The following ANKRD1 variants were observed in gnomAD, a reference collection of about 807,000 sequenced individuals.
ANKRD1 encodes ankyrin repeat domain-containing protein 1.
A neutral mutation model predicts 40.1 loss-of-function variants in ANKRD1; 32 were observed. The observed-to-expected ratio is 0.80, with a 90% confidence interval of 0.60 to 1.07. The LOEUF is 1.07. Ranked by LOEUF, ANKRD1 falls within the 50% of genes least tolerant of loss-of-function variation. The probability of loss-of-function intolerance (pLI) is 0.00; values close to 1 mark genes in which losing one functional copy is unlikely to be tolerated. For synonymous variants in ANKRD1, 149 were observed against 141.2 expected, an observed-to-expected ratio of 1.06 and a Z score of -0.39; for missense variants, 359 against 386.0, an observed-to-expected ratio of 0.93 and a Z score of 0.59.
Position 90,919,153 on chromosome 10 carries a change from T to A in ANKRD1, c.323A>T (p.Lys108Met). 6.2e-7 allele frequency: 1 copy of A among 1,613,526 alleles called. No individual in the cohort carries two copies. ...TACAATGATTTCAGGTTCTGGTTCC[T>A]TTACAACTGGAACTTTAGTTTTCCT... ...KYRKTKVPVV[K>M]EPEPEIITEP... is the part of the protein sequence containing the mutation. Residue 108 changes from lysine (K) to methionine (M), a missense_variant, in exon 3 of 9, where the codon AAG (lysine) becomes ATG (methionine). Coordinates refer to ENST00000371697, the MANE Select transcript of ANKRD1 (RefSeq NM_014391.3).
Position 90,921,022 on chromosome 10 carries a change from C to G in ANKRD1, c.6G>C (p.Met2Ile). Reference sequence around the variant, plus strand: ...ATACCAGTTCCTCTACTTTCAGTACCATCATGTTGGCTGAAGGAGTCTTGT... The same window carrying G: ...ATACCAGTTCCTCTACTTTCAGTACGATCATGTTGGCTGAAGGAGTCTTGT... MMVLKVEELVTG... is the reference protein window; with the variant it reads MIVLKVEELVTG... Residue 2 changes from methionine (M) to isoleucine (I), a missense_variant, in exon 1 of 9, where the codon ATG (methionine) becomes ATC (isoleucine). Physicochemically the swap from Met to Ile is conservative, Grantham distance 10. Coordinates refer to ENST00000371697, the MANE Select transcript of ANKRD1 (RefSeq NM_014391.3). The G allele has an allele frequency of 6.2e-7, 1 of 1,613,956 alleles. No individual in the cohort carries two copies. Among genetic ancestry groups the G allele is most frequent in the South Asian group, 1.1e-5 (1 of 91,082 alleles).
chr10:90,917,588 T>G (rs1234439365), intron 5 of ANKRD1, 144 bp downstream of exon 5: 7 of 691,452 alleles, frequency 1.0e-5, no homozygotes, highest in African/African-American at 1.8e-5. Flanking sequence ...CTCCCAACTT[T>G]CCTTTATTTG....
At chr10:90,914,489 T>TGCA in intron 8 of ANKRD1, among the ~76,000 whole-genome samples, 1 of 152,296 alleles carries the variant, frequency 6.6e-6, no homozygotes, top group Middle Eastern at 3.4e-3. Flanking sequence ...TCATTTAACC[T>TGCA]GCTCTTTTTC....
At chr10:90,914,716 T>TCCCC (rs1488711813) in intron 8 of ANKRD1, among the ~76,000 whole-genome samples, 5 of 41,440 alleles carry the variant, frequency 1.2e-4, no homozygotes, top group Non-Finnish European at 1.8e-4. Context: ...TGACTGAGTT[T>TCCCC]CCCTCCCCCC....
chr10:90,920,947 TAAAA>T, intron 1 of ANKRD1, 50 bp downstream of exon 1: 1 of 1,569,794 alleles, frequency 6.4e-7, no homozygotes, highest in South Asian at 1.1e-5. Context: ...AATTTTCAAA[TAAAA>T]ACCAAGATGA....
Position 90,912,933 on chromosome 10 carries a change from C to A in ANKRD1, c.893G>T (p.Gly298Val). 6.2e-7 allele frequency: 1 copy of A among 1,614,038 alleles called. No individual in the cohort carries two copies. The highest frequency in any genetic ancestry group is 1.3e-5 in the African/African-American group (1 of 75,032). The change falls in exon 9 of 9, where the codon GGA becomes GTA. Residue 298 changes from glycine (G) to valine (V), a missense_variant. Physicochemically the swap from Gly to Val is moderately radical, Grantham distance 109 (BLOSUM62 -3). Coordinates refer to ENST00000371697, the MANE Select transcript of ANKRD1 (RefSeq NM_014391.3). ...PMDLVLHWQN[G>V]TKAIFDSLRE... ...GAGGCTGTCGAATATTGCTTTGGTT[C>A]CATTCTGCCAGTGTAGCACCAGATC...
chr10:90,916,486 C>A (rs553357672), intron 5 of ANKRD1, among the ~76,000 whole-genome samples: 1 of 152,044 alleles, frequency 6.6e-6, no homozygotes, highest in African/African-American at 2.4e-5. Context: ...CTTAATAAAT[C>A]TAATAATGTT....
rs1847326201 is a variant in ANKRD1, at chr10:90,912,506, A to C, written c.*360T>G. 3.5e-6 allele frequency: 1 copy of C among 281,796 alleles called. No individual in the cohort carries two copies. The highest frequency in any genetic ancestry group is 6.9e-6 in the Non-Finnish European group (1 of 144,680). The allele number at this position is 281,796 out of a possible 1,614,324, so 17.5% of individuals were successfully genotyped here. ...TTAAAAACTCTTACATGAGCGAATG[A>C]CACATAAGTAGGCACTTGAACTTTG... On this transcript the variant is annotated 3_prime_UTR_variant, in exon 9 of 9. Transcript: ENST00000371697.
chr10:90,912,719 AC>A lies in ANKRD1; in HGVS notation c.*146del. 1 of 779,838 alleles carries A rather than the reference AC, an allele frequency of 1.3e-6. No homozygotes were observed. Among genetic ancestry groups the A allele is most frequent in the East Asian group, 2.5e-5 (1 of 40,000 alleles). The allele number at this position is 779,838 out of a possible 1,614,324, so 48.3% of individuals were successfully genotyped here. ...ACTAAAGGAAATTTAAACACCTATAACCCTGTGCTTTCTCAAAACTTCATTA... is the reference window on the plus strand; with the variant it reads ...ACTAAAGGAAATTTAAACACCTATAACCTGTGCTTTCTCAAAACTTCATTA... On this transcript the variant is annotated 3_prime_UTR_variant, in exon 9 of 9. Coordinates refer to ENST00000371697, the MANE Select transcript of ANKRD1 (RefSeq NM_014391.3).
At position 90,916,172 on chromosome 10, in the gene ANKRD1, T is replaced by C; in HGVS notation, c.650A>G (p.Lys217Arg). The change falls in exon 6 of 9, where the codon AAG becomes AGG. Residue 217 changes from lysine (K) to arginine (R), a missense_variant and splice_region_variant. Lys to Arg is a conservative substitution (Grantham distance 26). Transcript: ENST00000371697. ...AGGGAGAAGGAGAAGAAGGAATACC[T>C]TATCTCGGGCGCTAATTTTTGCTCC... ...NKGAKISARD[K>R]LLSTALHVAV... 6.2e-7 allele frequency: 1 copy of C among 1,610,960 alleles called. No homozygotes were observed. The highest frequency in any genetic ancestry group is 8.5e-7 in the Non-Finnish European group (1 of 1,177,636).
chr10:90,919,328 G>T, intron 2 of ANKRD1, 60 bp from the exon 3 acceptor site: 1 of 1,490,810 alleles, frequency 6.7e-7, no homozygotes, highest in East Asian at 2.3e-5. Flanking sequence ...CATTCTGGTT[G>T]TGTCTAAACT....
At position 90,912,679 on chromosome 10, in the gene ANKRD1, A is replaced by G. The variant is rs1302745011; in HGVS notation, c.*187T>C. 1 of 583,860 alleles carries G rather than the reference A, an allele frequency of 1.7e-6. No homozygotes were observed. Among genetic ancestry groups the G allele is most frequent in the African/African-American group, 1.9e-5 (1 of 53,184 alleles). The allele number at this position is 583,860 out of a possible 1,614,324, so 36.2% of individuals were successfully genotyped here. On this transcript the variant is annotated 3_prime_UTR_variant, in exon 9 of 9. Coordinates refer to ENST00000371697, the MANE Select transcript of ANKRD1 (RefSeq NM_014391.3). The stretch of plus-strand genomic sequence containing the variant: ...AATAAATAAACAGGAATACATAAAA[A>G]TAAATAAGAGTTTCACTAAAGGAAA...
At chr10:90,916,394 G>T in intron 5 of ANKRD1, 125 bp from the exon 6 acceptor site, 1 of 740,506 alleles carries the variant, frequency 1.4e-6, no homozygotes. Flanking sequence ...TCTAACTGGA[G>T]TCGAAGGTTC....
chr10:90,915,918 G>A (rs1847365623), intron 6 of ANKRD1, 38 bp from the exon 7 acceptor site: 1 of 1,596,316 alleles, frequency 6.3e-7, no homozygotes, highest in Non-Finnish European at 8.6e-7. Context: ...CGCTAGGAAT[G>A]AGGACAGAGG....
chr10:90,920,917 C>A, intron 1 of ANKRD1, 84 bp downstream of exon 1: 1 of 1,353,536 alleles, frequency 7.4e-7, no homozygotes, highest in South Asian at 1.2e-5. Flanking sequence ...TGCATTACAC[C>A]TGAAAGCAAA....
chr10:90,913,914 G>C (rs1324644827), intron 8 of ANKRD1, among the ~76,000 whole-genome samples: 1 of 152,138 alleles, frequency 6.6e-6, no homozygotes, highest in African/African-American at 2.4e-5. Flanking sequence ...ACATAGACTG[G>C]GTTGGGGAAG....
intron 4 of ANKRD1, 94 bp from the exon 5 acceptor site, chr10:90,917,924 C>T (rs1433974689): frequency 2.0e-6 from 2 of 1,001,100 alleles, no homozygotes; most frequent in Admixed American, 4.0e-5. Flanking sequence ...TTCTGATGAC[C>T]TAACTGATAG....
rs904429571 is a variant in ANKRD1 at position 90,912,286 on chromosome 10, C to G, written c.*580G>C. 1 of 60,626 alleles carries G rather than the reference C, an allele frequency of 1.6e-5. No individual in the cohort carries two copies. Among genetic ancestry groups the G allele is most frequent in the African/African-American group, 7.1e-5 (1 of 14,126 alleles). The allele number at this position is 60,626 out of a possible 1,614,324, so 3.8% of individuals were successfully genotyped here. A position where few individuals can be genotyped will look rare whatever the true frequency, so the allele number is the denominator to read the frequency against. On this transcript the variant is annotated 3_prime_UTR_variant, in exon 9 of 9. Transcript: ENST00000371697. The stretch of plus-strand genomic sequence containing the variant: ...TCTCTTCACTTGGGTACTCTGTGTA[C>G]TCGGTAAAAAAAAAAAAAAAAAAAA...
In ANKRD1 at chr10:90,915,845, A is replaced by G. The variant is rs941758714; in HGVS notation, c.687T>C (p.Thr229=). 14 of 1,613,530 alleles carry G rather than the reference A, an allele frequency of 8.7e-6. No homozygotes were observed. The highest frequency in any genetic ancestry group is 1.2e-5 in the Non-Finnish European group (14 of 1,179,962). ...LSTALHVAVR[T]GHYECAEHLI... is the part of the protein sequence containing the mutation. ...GATGCTCCGCGCACTCATAGTGGCC[A>G]GTCCTCACCGCCACATGCAGCGCTG... Residue 229 remains threonine (T), a synonymous_variant, in exon 7 of 9, where the codon ACT becomes ACC. Coordinates refer to ENST00000371697, the MANE Select transcript of ANKRD1 (RefSeq NM_014391.3).
Sources: gnomAD v4.1 joint callset for allele counts (sites outside exome capture counted in the v4.1 genomes callset) on GRCh38, gnomAD v4.1.1 for gene constraint, MANE v1.5 for transcripts, NCBI Gene and HGNC (gene_info 2026-07-23, HGNC 2026-07-21) for gene names.